Variants in CTBP1 observed in about 807,000 individuals in gnomAD.
CTBP1 encodes C-terminal-binding protein 1.
A neutral mutation model predicts 42.1 loss-of-function variants in CTBP1; 11 were observed. That is an observed-to-expected ratio of 0.26 (90% CI 0.16 to 0.43). The LOEUF is 0.43. Among genes scored for constraint, CTBP1 ranks in the 20% least tolerant of loss-of-function variants. CTBP1 has a pLI of 1.00. For synonymous variants in CTBP1, 324 were observed against 277.1 expected, an observed-to-expected ratio of 1.17 and a Z score of -1.68; for missense variants, 399 against 624.3, an observed-to-expected ratio of 0.64 and a Z score of 3.85.
At chr4:1,218,772 A>G in intron 5 of CTBP1, among the ~76,000 whole-genome samples, 1 of 152,168 alleles carries the variant, frequency 6.6e-6, no homozygotes. Flanking sequence ...CTCTAAAGTA[A>G]AACTAAACAC....
At chr4:1,245,524 C>A in intron 1 of CTBP1, 1 of 985,120 alleles carries the variant, frequency 1.0e-6, no homozygotes, top group Non-Finnish European at 1.2e-6. Flanking sequence ...GCCCAGGAGC[C>A]CCCACACCAC....
intron 1 of CTBP1, among the ~76,000 whole-genome samples, chr4:1,248,009 AG>A (rs1732920049): frequency 6.6e-6 from 1 of 152,232 alleles, no homozygotes. Context: ...AGGCCGCCAG[AG>A]AACGCTCCAG....
intron 5 of CTBP1, among the ~76,000 whole-genome samples, chr4:1,224,712 A>G (rs554298668): frequency 2.2e-5 from 3 of 137,340 alleles, no homozygotes; most frequent in Admixed American, 7.3e-5. Context: ...GTGTGTTGTG[A>G]TATCTGTGTG....
intron 1 of CTBP1, among the ~76,000 whole-genome samples, chr4:1,247,698 G>A (rs1023168274): frequency 4.7e-5 from 7 of 149,302 alleles, no homozygotes; most frequent in Non-Finnish European, 7.4e-5. Context: ...CCAGCCGCCA[G>A]CGCCGTTTTC....
chr4:1,224,603 T>A (rs1441310226), intron 5 of CTBP1, among the ~76,000 whole-genome samples: 1 of 148,842 alleles, frequency 6.7e-6, no homozygotes, highest in South Asian at 2.1e-4. Flanking sequence ...TGCCACGATG[T>A]CTTGTGTGAG....
rs1732311849 is a variant in CTBP1 at position 1,242,775 on chromosome 4, C to G, written c.-188-1256G>C. The stretch of plus-strand genomic sequence containing the variant: ...CTCCTGCCCTGAATGCCAGATCTCC[C>G]CATGGTACCCGGATACCACATAAAA... On this transcript the variant is annotated intron_variant, in intron 1 of 9. Coordinates refer to ENST00000382952, the MANE Select transcript of CTBP1 (RefSeq NM_001012614.2). The G allele has an allele frequency of 3.0e-6, 3 of 985,298 alleles. 1 individual carries two copies. In the South Asian group the frequency reaches 1.4e-4, roughly 46 times the overall value. 61.0% of individuals were successfully genotyped at this position (985,298 alleles called of 1,614,324 possible). A position where few individuals can be genotyped will look rare whatever the true frequency, so the allele number is the denominator to read the frequency against.
chr4:1,228,420 CG>C, intron 3 of CTBP1, 77 bp from the exon 4 acceptor site: 1 of 1,534,436 alleles, frequency 6.5e-7, no homozygotes, highest in Non-Finnish European at 8.8e-7. Flanking sequence ...GGGGCTGCCC[CG>C]GCTGGGAAAT....
chr4:1,242,737 C>T (rs1345515963), intron 1 of CTBP1: 1 of 985,320 alleles, frequency 1.0e-6, no homozygotes, highest in Non-Finnish European at 1.2e-6. Context: ...GCCCCCATGA[C>T]CTGCGCTGCA....
At chr4:1,244,376 G>A (rs1294156555) in intron 1 of CTBP1, 1 of 980,364 alleles carries the variant, frequency 1.0e-6, no homozygotes, top group Non-Finnish European at 1.2e-6. Context: ...GTTCCAGGAA[G>A]TCCCAGGGGG....
At chr4:1,240,846 T>G (rs1023448321) in intron 2 of CTBP1, among the ~76,000 whole-genome samples, 3 of 152,150 alleles carry the variant, frequency 2.0e-5, no homozygotes, top group African/African-American at 7.2e-5. Flanking sequence ...CGGCCTGTGC[T>G]GAAGCAGGCT....
At chr4:1,212,764 C>T (rs1728680679) in intron 9 of CTBP1, 149 bp downstream of exon 9, 1 of 701,544 alleles carries the variant, frequency 1.4e-6, no homozygotes, top group South Asian at 1.8e-5. Context: ...TCTCATGGGC[C>T]TTTCAGGTGA....
chr4:1,227,765 G>A (rs948210921), intron 4 of CTBP1, among the ~76,000 whole-genome samples: 1 of 152,224 alleles, frequency 6.6e-6, no homozygotes, highest in African/African-American at 2.4e-5. Context: ...TGTGCTGAGT[G>A]CACAGGTGCA....
chr4:1,242,477 A>G (rs542046825), intron 1 of CTBP1: 31 of 985,078 alleles, frequency 3.1e-5, no homozygotes, highest in Non-Finnish European at 3.6e-5. Context: ...GTGTGCTGTG[A>G]GGCCGCCCCT....
chr4:1,244,788 C>T (rs1229036989), intron 1 of CTBP1: 1 of 985,318 alleles, frequency 1.0e-6, no homozygotes. Context: ...CCCCGGCAGC[C>T]ATCTGGGCAT....
chr4:1,247,220 G>C (rs1009120548), intron 1 of CTBP1, among the ~76,000 whole-genome samples: 1 of 152,262 alleles, frequency 6.6e-6, no homozygotes, highest in Non-Finnish European at 1.5e-5. Flanking sequence ...AGAAGTGCAT[G>C]TTGGGGACAT....
chr4:1,223,352 T>C, intron 5 of CTBP1: 5 of 436,238 alleles, frequency 1.1e-5, no homozygotes, highest in South Asian at 8.0e-5. Flanking sequence ...AGCAAGACCG[T>C]GAGAGACGTG....
Position 1,248,681 on chromosome 4 carries a change from G to GA in CTBP1, c.-189+234dup, listed in dbSNP as rs1037716479. On this transcript the variant is annotated intron_variant, in intron 1 of 9. Transcript: ENST00000382952. ...GTCACCTGCACGGGCCGCGGGCGGG[G>GA]AGAGCAGACTGCGGCGCTCGCGCAC... is the stretch of plus-strand genomic sequence containing the variant. The GA allele has an allele frequency of 1.0e-4, 102 of 983,064 alleles. 1 individual carries two copies. The African/African-American group carries it at 1.6e-3, about 16-fold the overall frequency. The allele number at this position is 983,064 out of a possible 1,614,324, so 60.9% of individuals were successfully genotyped here. A position where few individuals can be genotyped will look rare whatever the true frequency, so the allele number is the denominator to read the frequency against.
At chr4:1,221,549 TG>T (rs1227843767) in intron 5 of CTBP1, 1 of 169,392 alleles carries the variant, frequency 5.9e-6, no homozygotes, top group Non-Finnish European at 1.3e-5. Context: ...GTTCACGTGA[TG>T]GAACCGTTAT....
intron 3 of CTBP1, among the ~76,000 whole-genome samples, chr4:1,229,819 C>T (rs1441092226): frequency 2.0e-5 from 3 of 152,198 alleles, no homozygotes; most frequent in Admixed American, 2.0e-4. Flanking sequence ...TTGAGGCTGG[C>T]ACAGCCTCCC....
Sources: allele counts gnomAD v4.1 joint callset (sites outside exome capture counted in the v4.1 genomes callset), GRCh38; gene constraint gnomAD v4.1.1; transcripts MANE v1.5; gene names NCBI Gene and HGNC (gene_info 2026-07-23, HGNC 2026-07-21).